LRP6: variants seen among roughly 807,000 people sequenced by gnomAD.
LRP6 encodes the protein low-density lipoprotein receptor-related protein 6.
In LRP6, 43 loss-of-function variants were observed where a neutral mutation model predicts 184.1. That is an observed-to-expected ratio of 0.23 (90% CI 0.18 to 0.30). The LOEUF (loss-of-function observed/expected upper bound fraction) is 0.30, where lower values mean the gene tolerates loss of function less well. Ranked by LOEUF, LRP6 falls within the 10% of genes least tolerant of loss-of-function variation. The pLI is 1.00. For missense variants in LRP6, 1,571 were observed against 2,005.3 expected, an observed-to-expected ratio of 0.78 and a Z score of 4.14; for synonymous variants, 719 against 684.9, an observed-to-expected ratio of 1.05 and a Z score of -0.78.
Position 12,117,054 on chromosome 12 carries a change from T to G in LRP6, c.*4072A>C, listed in dbSNP as rs1200303483. ...AATTTCAAAAGCTAAATTTTGAAAC[T>G]ATTATAAAATGGTGCCATCCCAAAA... On this transcript the variant is annotated 3_prime_UTR_variant, in exon 23 of 23. Coordinates refer to ENST00000261349, the MANE Select transcript of LRP6 (RefSeq NM_002336.3). The G allele has an allele frequency of 2.0e-5, 3 of 152,232 alleles. No homozygotes were observed. The East Asian group carries it at 5.8e-4, about 29-fold the overall frequency. 9.4% of individuals were successfully genotyped at this position (152,232 alleles called of 1,614,324 possible). A position where few individuals can be genotyped will look rare whatever the true frequency, so the allele number is the denominator to read the frequency against.
intron 2 of LRP6, among the ~76,000 whole-genome samples, chr12:12,239,976 G>A (rs1008538265): frequency 6.6e-6 from 1 of 150,632 alleles, no homozygotes; most frequent in Non-Finnish European, 1.5e-5. Context: ...AACTAAAACT[G>A]GATGAGAGTT....
At chr12:12,144,130 T>C (rs528837303) in intron 15 of LRP6, among the ~76,000 whole-genome samples, 40 of 152,250 alleles carry the variant, frequency 2.6e-4, no homozygotes, top group Non-Finnish European at 4.6e-4. Context: ...GGGAGATTTA[T>C]GCAGTATATA....
intron 2 of LRP6, among the ~76,000 whole-genome samples, chr12:12,214,475 G>T (rs1329564726): frequency 2.0e-5 from 3 of 152,154 alleles, no homozygotes; most frequent in Admixed American, 6.5e-5. Context: ...ATGTTATATA[G>T]TAAGAACCTG....
chr12:12,136,148 C>T (rs1949836059), intron 16 of LRP6, among the ~76,000 whole-genome samples: 1 of 152,092 alleles, frequency 6.6e-6, no homozygotes, highest in South Asian at 2.1e-4. Context: ...GATAGTGCCA[C>T]TGCACTCCAG....
chr12:12,142,734 A>C (rs1949952309), intron 15 of LRP6, among the ~76,000 whole-genome samples: 1 of 152,150 alleles, frequency 6.6e-6, no homozygotes, highest in African/African-American at 2.4e-5. Flanking sequence ...TTAGCAAATC[A>C]AATCCAGCAA....
rs538734034 is a variant in LRP6 at position 12,232,284 on chromosome 12, T to C, written c.449+11978A>G. On this transcript the variant is annotated intron_variant, in intron 2 of 22. Transcript: ENST00000261349. Reference sequence around the variant, plus strand: ...CTGTAGTCCCAGGTTATTGGGAGGCTGAGGCAGAAGAGTGTCGAGAACCCA... The same window carrying C: ...CTGTAGTCCCAGGTTATTGGGAGGCCGAGGCAGAAGAGTGTCGAGAACCCA... Among the ~76,000 whole-genome samples the C allele has an allele frequency of 2.0e-3, 298 of 150,910 alleles. 2 individuals are homozygous for C. The highest frequency in any genetic ancestry group is 6.9e-3 in the African/African-American group (283 of 41,074).
At chr12:12,149,787 AT>A (rs1221684050) in intron 13 of LRP6, among the ~76,000 whole-genome samples, 1 of 152,188 alleles carries the variant, frequency 6.6e-6, no homozygotes, top group Admixed American at 6.5e-5. Flanking sequence ...AAGTCTACAC[AT>A]GCAATTTTTT....
intron 15 of LRP6, among the ~76,000 whole-genome samples, chr12:12,145,514 C>G (rs1949992563): frequency 7.0e-6 from 1 of 143,292 alleles, no homozygotes; most frequent in Admixed American, 7.0e-5. Context: ...CTCCTCTCTC[C>G]CCTCCCTCCC....
At position 12,203,408 on chromosome 12, in the gene LRP6, T is replaced by C; in HGVS notation, c.450-8A>G. On this transcript the variant is annotated splice_region_variant and splice_polypyrimidine_tract_variant and intron_variant, in intron 2 of 22. Transcript: ENST00000261349. ...TCTGTCCAGTACATGAACCTAAAAA[T>C]CATAAAAATAATTAAAGCCATGACA... 1.9e-6 allele frequency: 3 copies of C among 1,601,002 alleles called. No individual in the cohort carries two copies. Among genetic ancestry groups the C allele is most frequent in the South Asian group, 1.1e-5 (1 of 90,836 alleles).
intron 3 of LRP6, among the ~76,000 whole-genome samples, chr12:12,202,596 C>G (rs1266319550): frequency 6.6e-6 from 1 of 152,170 alleles, no homozygotes; most frequent in Non-Finnish European, 1.5e-5. Flanking sequence ...CATGCCTATT[C>G]CCTTATGCAT....
chr12:12,171,453 T>C (rs1466945389), intron 7 of LRP6, among the ~76,000 whole-genome samples: 2 of 150,672 alleles, frequency 1.3e-5, no homozygotes, highest in Non-Finnish European at 1.5e-5. Flanking sequence ...ACCCGGGAGG[T>C]GGAGCTTGCA....
chr12:12,207,376 G>A (rs1216932040), intron 2 of LRP6, among the ~76,000 whole-genome samples: 3 of 152,086 alleles, frequency 2.0e-5, no homozygotes, highest in Non-Finnish European at 4.4e-5. Context: ...AAAATTAGCT[G>A]GGCATGATGG....
intron 2 of LRP6, among the ~76,000 whole-genome samples, chr12:12,234,287 CAA>C (rs552408054): frequency 7.1e-6 from 1 of 140,814 alleles, no homozygotes; most frequent in African/African-American, 2.6e-5. Flanking sequence ...AACTCCATCT[CAA>C]AAAAAAAAAA....
At position 12,116,820 on chromosome 12, in the gene LRP6, T is replaced by C. The variant is rs1375187142; in HGVS notation, c.*4306A>G. ...AGAAAAACAGCAAAGTTTACCTCAA[T>C]TGAAAGAGGGTGAGGGTAGAGTCAG... On this transcript the variant is annotated 3_prime_UTR_variant, in exon 23 of 23. Transcript: ENST00000261349. The C allele has an allele frequency of 1.3e-5, 2 of 152,260 alleles. No individual in the cohort carries two copies. The highest frequency in any genetic ancestry group is 1.9e-4 in the East Asian group (1 of 5,182). 9.4% of individuals were successfully genotyped at this position (152,260 alleles called of 1,614,324 possible).
chr12:12,177,357 A>G (rs1863217198), intron 7 of LRP6, among the ~76,000 whole-genome samples: 2 of 152,210 alleles, frequency 1.3e-5, no homozygotes, highest in Non-Finnish European at 2.9e-5. Flanking sequence ...ACAAAAGGCT[A>G]GCAAATACAC....
At position 12,120,207 on chromosome 12, in the gene LRP6, T is replaced by C. The variant is rs1949586750; in HGVS notation, c.*919A>G. 6.6e-6 allele frequency: 1 copy of C among 151,608 alleles called. No individual in the cohort carries two copies. Among genetic ancestry groups the C allele is most frequent in the South Asian group, 2.1e-4 (1 of 4,792 alleles). The allele number at this position is 151,608 out of a possible 1,614,324, so 9.4% of individuals were successfully genotyped here. On this transcript the variant is annotated 3_prime_UTR_variant, in exon 23 of 23. Transcript: ENST00000261349. ...ATCTTGGAAGAAGAGAAATAATATGTCTAACTTTTGATCATTATGCAAAAA... is the reference window on the plus strand; with the variant it reads ...ATCTTGGAAGAAGAGAAATAATATGCCTAACTTTTGATCATTATGCAAAAA...
chr12:12,185,351 C>A (rs540168915), intron 4 of LRP6, among the ~76,000 whole-genome samples: 1 of 152,096 alleles, frequency 6.6e-6, no homozygotes, highest in Non-Finnish European at 1.5e-5. Flanking sequence ...AAAATTCATA[C>A]AAGTGACTGA....
chr12:12,170,791 TCACACACACACACACACACACACACA>T (rs10571241), intron 7 of LRP6, among the ~76,000 whole-genome samples: 1 of 142,794 alleles, frequency 7.0e-6, no homozygotes, highest in Non-Finnish European at 1.5e-5. Flanking sequence ...TAAAATTACT[TCACACACACACACACACACACACACA>T]CACACACACA....
At chr12:12,254,725 C>T (rs771338730) in intron 1 of LRP6, among the ~76,000 whole-genome samples, 17 of 152,176 alleles carry the variant, frequency 1.1e-4, no homozygotes, top group Non-Finnish European at 2.1e-4. Context: ...TTACAGTTGA[C>T]TTTATGAACC....
Sources: gnomAD v4.1 joint callset for allele counts (sites outside exome capture counted in the v4.1 genomes callset) on GRCh38, gnomAD v4.1.1 for gene constraint, MANE v1.5 for transcripts, NCBI Gene and HGNC (gene_info 2026-07-23, HGNC 2026-07-21) for gene names.